The following RNF216 variants were observed in gnomAD, a reference collection of about 807,000 sequenced individuals.
The protein encoded by RNF216 is E3 ubiquitin-protein ligase RNF216.
Under a neutral mutation model 110.8 loss-of-function variants are expected in RNF216, and 72 were observed. That is an observed-to-expected ratio of 0.65 (90% CI 0.54 to 0.79). RNF216 has a LOEUF of 0.79. Among genes scored for constraint, RNF216 ranks in the 30% least tolerant of loss-of-function variants. The pLI is 0.00. For synonymous variants in RNF216, 495 were observed against 407.5 expected (o/e 1.21, Z -2.59); for missense variants, 1,342 against 1,141.2 (o/e 1.18, Z -2.54).
At chr7:5,780,352 G>T (rs570056114) in intron 1 of RNF216, 1 of 152,226 alleles carries the variant, frequency 6.6e-6, no homozygotes, top group East Asian at 1.9e-4. Context: ...TGCTTCTTCT[G>T]TAGGTGAACG....
rs750575891 is a variant in RNF216, at chr7:5,707,036, T to C, written c.2061+4725A>G. On this transcript the variant is annotated intron_variant, in intron 13 of 16. Coordinates refer to ENST00000389902, the MANE Select transcript of RNF216 (RefSeq NM_207111.4). ...GAGCACCATTAATCAGAGACTACCT[T>C]TTCCCCCGGTGGGTGTTCTTTGCAC... is the stretch of plus-strand genomic sequence containing the variant. 2.6e-5 allele frequency among the ~76,000 whole-genome samples: 4 copies of C among 152,238 alleles called. No individual in the cohort carries two copies. In the East Asian group the frequency reaches 7.7e-4, roughly 29 times the overall value.
At chr7:5,671,870 T>C (rs116702363) in intron 13 of RNF216, among the ~76,000 whole-genome samples, 1,542 of 144,972 alleles carry the variant, frequency 0.011, 20 homozygotes, top group African/African-American at 0.027. Flanking sequence ...GAAAAGACCA[T>C]GTGAGGACAC....
intron 13 of RNF216, among the ~76,000 whole-genome samples, chr7:5,656,149 A>G (rs1247884899): frequency 2.0e-5 from 3 of 152,110 alleles, no homozygotes; most frequent in East Asian, 1.9e-4. Flanking sequence ...GGCTTCTGTA[A>G]TCCCAGCTAC....
rs1300539697 is a variant in RNF216 at position 5,721,025 on chromosome 7, C to A, written c.1644+8G>T. On this transcript the variant is annotated splice_region_variant and intron_variant, in intron 9 of 16. Coordinates refer to ENST00000389902, the MANE Select transcript of RNF216 (RefSeq NM_207111.4). ...AACACACCCCAAGACCAGAGCACAT[C>A]TTCCTACCTCTGCCATCTCTTTGAT... The A allele has an allele frequency of 6.2e-7, 1 of 1,614,140 alleles. No homozygotes were observed. Among genetic ancestry groups the A allele is most frequent in the South Asian group, 1.1e-5 (1 of 91,084 alleles).
chr7:5,726,105 C>T (rs188888416), intron 7 of RNF216, among the ~76,000 whole-genome samples: 14 of 152,054 alleles, frequency 9.2e-5, no homozygotes, highest in African/African-American at 2.9e-4. Context: ...GGGGACACCC[C>T]GTCTCTACTA....
At position 5,725,286 on chromosome 7, in the gene RNF216, T is replaced by C. The variant is rs369346660; in HGVS notation, c.1504+38A>G. 7.0e-5 allele frequency: 82 copies of C among 1,178,408 alleles called. No homozygotes were observed. The African/African-American group carries it at 1.0e-3, about 15-fold the overall frequency. 73.0% of individuals were successfully genotyped at this position (1,178,408 alleles called of 1,614,324 possible). A position where few individuals can be genotyped will look rare whatever the true frequency, so the allele number is the denominator to read the frequency against. ...ACTGTGAAGAAGAAAAGGTACAGTGTTGCAGCTACACACTGCCACCAACAC... is the reference window on the plus strand; with the variant it reads ...ACTGTGAAGAAGAAAAGGTACAGTGCTGCAGCTACACACTGCCACCAACAC... On this transcript the variant is annotated intron_variant, in intron 8 of 16. Transcript: ENST00000389902.
chr7:5,755,772 T>C (rs1426910088), intron 2 of RNF216, among the ~76,000 whole-genome samples: 1 of 152,214 alleles, frequency 6.6e-6, no homozygotes, highest in African/African-American at 2.4e-5. Flanking sequence ...TGTGCAAGTC[T>C]TTGGTGTACT....
intron 13 of RNF216, among the ~76,000 whole-genome samples, chr7:5,678,563 GT>G (rs1790451994): frequency 1.3e-5 from 2 of 152,222 alleles, no homozygotes; most frequent in African/African-American, 4.8e-5. Flanking sequence ...CCTCAGGTGA[GT>G]GACCTCACCT....
chr7:5,704,596 ATACT>A (rs1272919095), intron 13 of RNF216, among the ~76,000 whole-genome samples: 1 of 152,236 alleles, frequency 6.6e-6, no homozygotes, highest in Non-Finnish European at 1.5e-5. Context: ...TTGCTGACAC[ATACT>A]TTTCAAACAC....
chr7:5,688,485 T>C (rs1468955858), intron 13 of RNF216, among the ~76,000 whole-genome samples: 2 of 152,190 alleles, frequency 1.3e-5, no homozygotes, highest in African/African-American at 4.8e-5. Flanking sequence ...TGCTAAGAAA[T>C]ACAGAAGTTA....
rs147439272 is a variant in RNF216 at position 5,687,666 on chromosome 7, A to G, written c.2061+24095T>C. ...ACAGAGGAGGAAACCAACACAGAGA[A>G]ATTAAGTGCCCCCAAATGACCAGGA... is the stretch of plus-strand genomic sequence containing the variant. On this transcript the variant is annotated intron_variant, in intron 13 of 16. Transcript: ENST00000389902. 4.0e-4 allele frequency among the ~76,000 whole-genome samples: 61 copies of G among 152,310 alleles called. 1 individual carries two copies. In the East Asian group the frequency reaches 9.1e-3, roughly 23 times the overall value.
intron 1 of RNF216, among the ~76,000 whole-genome samples, chr7:5,766,197 G>A (rs965781814): frequency 2.0e-5 from 3 of 152,054 alleles, no homozygotes; most frequent in Non-Finnish European, 4.4e-5. Flanking sequence ...GTCTGAAGCA[G>A]GAGGATCTCC....
intron 1 of RNF216, among the ~76,000 whole-genome samples, chr7:5,765,950 C>T (rs1466378392): frequency 5.7e-5 from 1 of 17,490 alleles, no homozygotes; most frequent in African/African-American, 1.8e-4. Context: ...GAGACTCTGT[C>T]TCAAAAAAAA....
chr7:5,659,943 C>T (rs1788993558), intron 13 of RNF216, among the ~76,000 whole-genome samples: 1 of 140,826 alleles, frequency 7.1e-6, no homozygotes, highest in Non-Finnish European at 1.5e-5. Flanking sequence ...ATTTTAATTA[C>T]ATTCATTAAT....
intron 15 of RNF216, among the ~76,000 whole-genome samples, chr7:5,638,649 T>TGG (rs1554345703): frequency 1.3e-5 from 2 of 149,726 alleles, no homozygotes; most frequent in African/African-American, 4.9e-5. Context: ...TTTTTTTTTT[T>TGG]GGGGGGGAGA....
intron 1 of RNF216, among the ~76,000 whole-genome samples, chr7:5,764,422 CGGATCACTT>C (rs1432228344): frequency 2.6e-5 from 4 of 151,800 alleles, no homozygotes; most frequent in African/African-American, 7.3e-5. Context: ...CTGAGGAGAG[CGGATCACTT>C]GAAGTCAGGA....
At chr7:5,682,247 A>G (rs141775246) in intron 13 of RNF216, among the ~76,000 whole-genome samples, 2 of 152,170 alleles carry the variant, frequency 1.3e-5, no homozygotes, top group African/African-American at 2.4e-5. Context: ...AAAAATCCCT[A>G]TCTTGTTCTG....
Position 5,624,212 on chromosome 7 carries a change from T to C in RNF216, c.2383-87A>G. ...GACAGTGAGGAGGCCGCTTGTTGCT[T>C]ATGGCCATGGAACAAGCCCGAAGCC... is the stretch of plus-strand genomic sequence containing the variant. On this transcript the variant is annotated intron_variant, in intron 15 of 16. Transcript: ENST00000389902. This position sits in a 1 kb window ranked among gnomAD's most constrained non-coding sequence, Gnocchi z 4.4. 1 of 1,138,258 alleles carries C rather than the reference T, an allele frequency of 8.8e-7. No individual in the cohort carries two copies. 70.5% of individuals were successfully genotyped at this position (1,138,258 alleles called of 1,614,324 possible). A position where few individuals can be genotyped will look rare whatever the true frequency, so the allele number is the denominator to read the frequency against.
intron 15 of RNF216, among the ~76,000 whole-genome samples, chr7:5,625,430 G>C (rs550214574): frequency 1.3e-4 from 20 of 152,308 alleles, no homozygotes; most frequent in Admixed American, 2.0e-4. Context: ...TATTAATAAT[G>C]ATCAGTTTGG....
Sources: gnomAD v4.1 joint callset for allele counts (sites outside exome capture counted in the v4.1 genomes callset) on GRCh38, gnomAD v4.1.1 for gene constraint, Gnocchi (gnomAD v3.1) non-coding constraint, MANE v1.5 for transcripts, NCBI Gene and HGNC (gene_info 2026-07-23, HGNC 2026-07-21) for gene names.